Variants in SMYD3 observed in about 807,000 individuals in gnomAD.
SMYD3 encodes SET and MYND domain containing 3.
In SMYD3, 36 loss-of-function variants were observed where a neutral mutation model predicts 57.7. That is an observed-to-expected ratio of 0.62 (90% CI 0.48 to 0.82). The LOEUF (loss-of-function observed/expected upper bound fraction) is 0.82, where lower values mean the gene tolerates loss of function less well. SMYD3 is among the 40% of genes least tolerant of loss of function. SMYD3 has a pLI of 0.00. For synonymous variants in SMYD3, 211 were observed against 195.0 expected, an observed-to-expected ratio of 1.08 and a Z score of -0.68; for missense variants, 515 against 538.8, an observed-to-expected ratio of 0.96 and a Z score of 0.44.
At chr1:245,896,454 A>G (rs2053808874) in intron 8 of SMYD3, among the ~76,000 whole-genome samples, 1 of 152,068 alleles carries the variant, frequency 6.6e-6, no homozygotes, top group Admixed American at 6.5e-5. Flanking sequence ...ATGCAAAGCA[A>G]TAAACAAAGC....
intron 10 of SMYD3, among the ~76,000 whole-genome samples, chr1:245,813,828 C>G (rs138681360): frequency 1.4e-5 from 2 of 144,752 alleles, no homozygotes; most frequent in East Asian, 4.0e-4. Flanking sequence ...AGCACCTAAC[C>G]TGCTCTGTCA....
At chr1:246,359,528 C>A (rs2065956844) in intron 1 of SMYD3, among the ~76,000 whole-genome samples, 1 of 152,092 alleles carries the variant, frequency 6.6e-6, no homozygotes, top group South Asian at 2.1e-4. Context: ...AAACTACAGA[C>A]CAATATTCCT....
At chr1:245,965,240 G>A (rs1244778821) in intron 5 of SMYD3, among the ~76,000 whole-genome samples, 1 of 152,182 alleles carries the variant, frequency 6.6e-6, no homozygotes. Flanking sequence ...ATGAATGACA[G>A]TGATGATTCC....
In SMYD3 at chr1:246,335,459, C is replaced by T; in HGVS notation, c.244G>A (p.Asp82Asn). 6.2e-7 allele frequency: 1 copy of T among 1,614,082 alleles called. No homozygotes were observed. Among genetic ancestry groups the T allele is most frequent in the Non-Finnish European group, 8.5e-7 (1 of 1,179,998 alleles). ...SAKCQKKAWP[D>N]HKRECKCLKS... is the part of the protein sequence containing the mutation. ...AGGCATTTGCATTCCCGCTTGTGGTCTGGCCAAGCTTTTTTCTATTAAAAC... is the reference window on the plus strand; with the variant it reads ...AGGCATTTGCATTCCCGCTTGTGGTTTGGCCAAGCTTTTTTCTATTAAAAC... Residue 82 changes from aspartate to asparagine, a missense_variant, in exon 3 of 12, where the codon GAC (aspartate) becomes AAC (asparagine). By Grantham distance (23) the Asp-to-Asn change is conservative (BLOSUM62 1). Transcript: ENST00000490107.
intron 2 of SMYD3, among the ~76,000 whole-genome samples, chr1:246,338,734 A>G (rs1385842326): frequency 1.3e-5 from 2 of 152,206 alleles, no homozygotes; most frequent in African/African-American, 2.4e-5. Flanking sequence ...GAATCTATAC[A>G]GTTTCATAAT....
At chr1:245,783,233 T>C (rs2046905296) in intron 10 of SMYD3, among the ~76,000 whole-genome samples, 1 of 152,128 alleles carries the variant, frequency 6.6e-6, no homozygotes, top group Non-Finnish European at 1.5e-5. Context: ...CATTCTACAG[T>C]ATTCAGTTTT....
intron 5 of SMYD3, among the ~76,000 whole-genome samples, chr1:246,070,622 A>C (rs2060426663): frequency 6.6e-6 from 1 of 152,172 alleles, no homozygotes; most frequent in Non-Finnish European, 1.5e-5. Flanking sequence ...CACCGACCTG[A>C]GGATCTGTCA....
At chr1:246,252,715 CATT>C (rs1411338917) in intron 5 of SMYD3, among the ~76,000 whole-genome samples, 3 of 152,148 alleles carry the variant, frequency 2.0e-5, no homozygotes, top group Non-Finnish European at 2.9e-5. Flanking sequence ...GGCATCTTTT[CATT>C]ATTATTATTT....
chr1:246,357,475 T>C (rs1477887625), intron 1 of SMYD3, among the ~76,000 whole-genome samples: 3 of 152,166 alleles, frequency 2.0e-5, no homozygotes, highest in African/African-American at 4.8e-5. Flanking sequence ...GAAATAACCA[T>C]AAACATGGAC....
chr1:245,858,389 G>T, intron 10 of SMYD3, 107 bp downstream of exon 10: 1 of 1,146,114 alleles, frequency 8.7e-7, no homozygotes, highest in Non-Finnish European at 1.2e-6. Flanking sequence ...AGAAGCAGCT[G>T]GAAATGCTCC....
chr1:246,350,979 T>G (rs2065812919), intron 2 of SMYD3, among the ~76,000 whole-genome samples: 1 of 152,222 alleles, frequency 6.6e-6, no homozygotes, highest in Non-Finnish European at 1.5e-5. Context: ...CAGGCCGAAT[T>G]TATGAAGTAA....
intron 5 of SMYD3, among the ~76,000 whole-genome samples, chr1:246,195,830 G>A (rs894348508): frequency 1.3e-5 from 2 of 152,120 alleles, no homozygotes; most frequent in Non-Finnish European, 2.9e-5. Context: ...GAAGCCCTAC[G>A]AACACTCAGA....
intron 1 of SMYD3, among the ~76,000 whole-genome samples, chr1:246,416,007 T>G (rs1415136662): frequency 1.3e-5 from 2 of 152,220 alleles, no homozygotes; most frequent in Admixed American, 1.3e-4. Context: ...TTCTTTGTAT[T>G]AGGTTGGTGC....
intron 10 of SMYD3, among the ~76,000 whole-genome samples, chr1:245,813,344 T>A (rs1473040399): frequency 6.6e-6 from 1 of 152,056 alleles, no homozygotes; most frequent in Non-Finnish European, 1.5e-5. Flanking sequence ...AAATGTTCTC[T>A]TAGATAAAAT....
intron 5 of SMYD3, among the ~76,000 whole-genome samples, chr1:245,952,877 C>G (rs2057708487): frequency 6.6e-6 from 1 of 152,162 alleles, no homozygotes; most frequent in Non-Finnish European, 1.5e-5. Context: ...TGTGTCTCTG[C>G]AAAAGCCTCT....
intron 5 of SMYD3, among the ~76,000 whole-genome samples, chr1:246,118,866 C>T (rs2061380786): frequency 6.8e-6 from 1 of 146,714 alleles, no homozygotes; most frequent in Admixed American, 7.1e-5. Flanking sequence ...GGGGTAATGG[C>T]TGGAGCTCCA....
chr1:246,013,590 T>A (rs950585319), intron 5 of SMYD3, among the ~76,000 whole-genome samples: 1 of 152,204 alleles, frequency 6.6e-6, no homozygotes, highest in Non-Finnish European at 1.5e-5. Context: ...GGTGTTTTTT[T>A]AAAGCAATTT....
intron 5 of SMYD3, among the ~76,000 whole-genome samples, chr1:246,106,984 G>C (rs1334525483): frequency 6.6e-6 from 1 of 152,156 alleles, no homozygotes; most frequent in African/African-American, 2.4e-5. Flanking sequence ...TACAAGAGTT[G>C]GGCATATAAT....
chr1:245,948,301 G>A (rs1335735145), intron 5 of SMYD3, among the ~76,000 whole-genome samples: 1 of 152,194 alleles, frequency 6.6e-6, no homozygotes, highest in Admixed American at 6.5e-5. Flanking sequence ...ACAGAGAACA[G>A]TGGAATTCAA....
Sources: gnomAD v4.1 joint callset for allele counts (sites outside exome capture counted in the v4.1 genomes callset) on GRCh38, gnomAD v4.1.1 for gene constraint, MANE v1.5 for transcripts, NCBI Gene and HGNC (gene_info 2026-07-23, HGNC 2026-07-21) for gene names.